The following ZFP64 variants were observed in gnomAD, a reference collection of about 807,000 sequenced individuals.
ZFP64 encodes the protein ZFP64 zinc finger protein, also known as zinc finger protein 64.
A neutral mutation model predicts 51.6 loss-of-function variants in ZFP64; 14 were observed. The ratio of observed to expected loss-of-function variants is 0.27; its 90% confidence interval spans 0.18 to 0.42. The LOEUF (loss-of-function observed/expected upper bound fraction) is 0.42, where lower values mean the gene tolerates loss of function less well. Ranked by LOEUF, ZFP64 falls within the 10% of genes least tolerant of loss-of-function variation. The pLI is 1.00. For missense variants in ZFP64, 754 were observed against 906.8 expected (o/e 0.83, Z 2.16); for synonymous variants, 375 against 361.4 (o/e 1.04, Z -0.43).
chr20:52,160,493 C>T lies in ZFP64; in HGVS notation c.512-119G>A. 1 of 1,364,168 alleles carries T rather than the reference C, an allele frequency of 7.3e-7. No individual in the cohort carries two copies. The highest frequency in any genetic ancestry group is 1.5e-5 in the South Asian group (1 of 66,458). 84.5% of individuals were successfully genotyped at this position (1,364,168 alleles called of 1,614,324 possible). ...AACCACCGAAGAATATTCCAAAAAC[C>T]CTAAAACACTGGGTGGATGATTGGC... is the stretch of plus-strand genomic sequence containing the variant. On this transcript the variant is annotated intron_variant, in intron 4 of 5. Coordinates refer to ENST00000216923, the MANE Select transcript of ZFP64 (RefSeq NM_018197.3). The surrounding 1 kb of genome is among the most constrained non-coding windows in gnomAD (Gnocchi z 4.2).
intron 5 of ZFP64, among the ~76,000 whole-genome samples, chr20:52,134,876 T>C (rs1418382205): frequency 6.6e-6 from 1 of 152,188 alleles, no homozygotes; most frequent in East Asian, 1.9e-4. Context: ...TTTTTATATT[T>C]TTTTGAAATG....
Position 52,165,874 on chromosome 20 carries a change from A to G in ZFP64, c.438T>C (p.Cys146=), listed in dbSNP as rs139367395. The change falls in exon 3 of 6, where the codon TGT becomes TGC. Residue 146 remains cysteine (C), a synonymous_variant. Coordinates refer to ENST00000216923, the MANE Select transcript of ZFP64 (RefSeq NM_018197.3). ...TTPPAQKRLN[C]CYPGCQFKTA... ...TAATGCTGCCTTTACCTGGATAGCA[A>G]CAGTTAAGCCTTTTCTGAGCAGGTG... 25 of 1,613,962 alleles carry G rather than the reference A, an allele frequency of 1.5e-5. No individual in the cohort carries two copies. Among genetic ancestry groups the G allele is most frequent in the East Asian group, 2.2e-5 (1 of 44,896 alleles).
chr20:52,167,094 G>C (rs1216030430), intron 2 of ZFP64, among the ~76,000 whole-genome samples: 1 of 152,038 alleles, frequency 6.6e-6, no homozygotes, highest in African/African-American at 2.4e-5. Flanking sequence ...GGAGGCTGAG[G>C]CAGGTGGATC....
intron 5 of ZFP64, among the ~76,000 whole-genome samples, chr20:52,106,727 T>A (rs1032828044): frequency 1.1e-4 from 16 of 152,228 alleles, no homozygotes; most frequent in Admixed American, 6.5e-5. Flanking sequence ...AGACTTAAAC[T>A]TTTTAAAAAA....
chr20:52,139,848 GTT>G (rs555986732), intron 5 of ZFP64, among the ~76,000 whole-genome samples: 9 of 129,824 alleles, frequency 6.9e-5, no homozygotes, highest in East Asian at 2.4e-4. Flanking sequence ...GCGCTGAGTT[GTT>G]TTTTTTTTTT....
chr20:52,176,027 A>T, intron 2 of ZFP64: 3 of 948,218 alleles, frequency 3.2e-6, no homozygotes, highest in Non-Finnish European at 3.8e-6. Flanking sequence ...AGCCCTGACC[A>T]CGCCCCAGCT....
intron 2 of ZFP64, among the ~76,000 whole-genome samples, chr20:52,184,981 A>C (rs1480074544): frequency 6.6e-6 from 1 of 152,110 alleles, no homozygotes; most frequent in Non-Finnish European, 1.5e-5. Context: ...TCTCTATAGT[A>C]CATGCTGTAA....
intron 5 of ZFP64, among the ~76,000 whole-genome samples, chr20:52,144,589 A>AAAAAAAAAAAAAAAAAAAAAAAAAAC (rs1213899362): frequency 6.7e-6 from 1 of 148,290 alleles, no homozygotes; most frequent in Non-Finnish European, 1.5e-5. Flanking sequence ...AAAAAAAAAA[A>AAAAAAAAAAAAAAAAAAAAAAAAAAC]AAAAAAAAAA....
At chr20:52,155,117 C>A (rs796507665) in intron 5 of ZFP64, among the ~76,000 whole-genome samples, 1 of 152,062 alleles carries the variant, frequency 6.6e-6, no homozygotes, top group Non-Finnish European at 1.5e-5. Flanking sequence ...TTGTGATATG[C>A]CAATGTGTGT....
chr20:52,184,518 C>T (rs764983856), intron 2 of ZFP64, among the ~76,000 whole-genome samples: 7 of 152,176 alleles, frequency 4.6e-5, no homozygotes, highest in Non-Finnish European at 8.8e-5. Flanking sequence ...TTTTTTTATA[C>T]TTACCTTGAG....
chr20:52,084,511 A>G, exon 9 of ZFP64: 1 of 1,557,798 alleles, frequency 6.4e-7, no homozygotes. Flanking sequence ...GCTGGGCAAC[A>G]GCACTGGTCA....
At chr20:52,146,478 G>A (rs937841815), downstream of ZFP64, among the ~76,000 whole-genome samples, 3 of 149,346 alleles carry the variant, frequency 2.0e-5, no homozygotes, top group African/African-American at 4.9e-5. Context: ...CTATCGCAAG[G>A]ACAAAAAACC....
At chr20:52,176,860 T>C (rs1983266953) in intron 2 of ZFP64, among the ~76,000 whole-genome samples, 1 of 152,214 alleles carries the variant, frequency 6.6e-6, no homozygotes, top group Non-Finnish European at 1.5e-5. Context: ...AATTCTCCCT[T>C]ATGCCTATAT....
At chr20:52,179,380 C>T (rs927849090) in intron 2 of ZFP64, among the ~76,000 whole-genome samples, 8 of 152,226 alleles carry the variant, frequency 5.3e-5, no homozygotes, top group Non-Finnish European at 8.8e-5. Flanking sequence ...TGATGGGGCA[C>T]ATGCCATACA....
At chr20:52,164,575 T>C in intron 4 of ZFP64, 120 bp downstream of exon 4, 1 of 858,912 alleles carries the variant, frequency 1.2e-6, no homozygotes, top group Non-Finnish European at 1.9e-6. Context: ...AATCTGGACT[T>C]GTATTCCCAT....
intron 2 of ZFP64, among the ~76,000 whole-genome samples, chr20:52,177,537 G>C (rs1177375809): frequency 2.0e-5 from 3 of 152,078 alleles, no homozygotes; most frequent in Non-Finnish European, 4.4e-5. Flanking sequence ...GTGCCTGAGA[G>C]ATCTGATGCC....
chr20:52,148,274 C>T (rs376286294), downstream of ZFP64, among the ~76,000 whole-genome samples: 3 of 152,268 alleles, frequency 2.0e-5, no homozygotes, highest in Non-Finnish European at 4.4e-5. Flanking sequence ...GATCTATAAT[C>T]TTCCAGAATA....
Position 52,124,480 on chromosome 20 carries a change from A to G in ZFP64, c.764-25893T>C, listed in dbSNP as rs77089808. Among the ~76,000 whole-genome samples the G allele has an allele frequency of 4.5e-3, 690 of 152,356 alleles. 7 individuals are homozygous for G. The highest frequency in any genetic ancestry group is 0.01 in the Middle Eastern group (3 of 294). On this transcript the variant is annotated intron_variant, in intron 5 of 8. Coordinates refer to the ZFP64 transcript ENST00000361387. ...AAAATTTACTGTAATAGACAGACAT[A>G]TGATAAAGAAAAATAGTAACATGTG...
intron 5 of ZFP64, among the ~76,000 whole-genome samples, chr20:52,119,777 A>G (rs1346623045): frequency 6.6e-6 from 1 of 151,568 alleles, no homozygotes; most frequent in Non-Finnish European, 1.5e-5. Flanking sequence ...CTCCCCACTC[A>G]CTACAAAGAC....
Sources: allele counts gnomAD v4.1 joint callset (sites outside exome capture counted in the v4.1 genomes callset), GRCh38; gene constraint gnomAD v4.1.1; non-coding constraint Gnocchi (gnomAD v3.1); transcripts MANE v1.5; gene names NCBI Gene and HGNC (gene_info 2026-07-23, HGNC 2026-07-21).